The following FAM171B variants were observed in gnomAD, a reference collection of about 807,000 sequenced individuals.
FAM171B encodes protein FAM171B.
Under a neutral mutation model 75.6 loss-of-function variants are expected in FAM171B, and 19 were observed. That is an observed-to-expected ratio of 0.25 (90% CI 0.18 to 0.37). FAM171B has a LOEUF of 0.37. Among genes scored for constraint, FAM171B ranks in the 10% least tolerant of loss-of-function variants. The pLI, the probability that FAM171B is intolerant of heterozygous loss-of-function variation, is 1.00. For missense variants in FAM171B, 848 were observed against 982.4 expected, an observed-to-expected ratio of 0.86 and a Z score of 1.83; for synonymous variants, 367 against 361.7, an observed-to-expected ratio of 1.01 and a Z score of -0.17.
At chr2:186,725,950 T>A (rs559977433) in intron 1 of FAM171B, among the ~76,000 whole-genome samples, 1 of 152,306 alleles carries the variant, frequency 6.6e-6, no homozygotes, top group East Asian at 1.9e-4. Flanking sequence ...AATGGTCCTT[T>A]AGGTAGGCAA....
intron 5 of FAM171B, among the ~76,000 whole-genome samples, chr2:186,752,280 C>A (rs1041818504): frequency 1.3e-5 from 2 of 152,134 alleles, no homozygotes; most frequent in African/African-American, 4.8e-5. Flanking sequence ...CTAAACTGAT[C>A]ATGTTGGCTG....
chr2:186,716,618 G>A lies in FAM171B; in HGVS notation c.238+22207G>A, dbSNP rs577746181. 3.3e-5 allele frequency among the ~76,000 whole-genome samples: 5 copies of A among 152,204 alleles called. No homozygotes were observed. In the South Asian group the frequency reaches 1.0e-3, roughly 32 times the overall value. On this transcript the variant is annotated intron_variant, in intron 1 of 7. Transcript: ENST00000304698. ...TCAGGTAGGCTTTATCTTTGGCTTTGTAGTATGCTGGGTGCAATGATCTGT... is the reference window on the plus strand; with the variant it reads ...TCAGGTAGGCTTTATCTTTGGCTTTATAGTATGCTGGGTGCAATGATCTGT...
At chr2:186,743,381 C>G (rs933798892) in intron 2 of FAM171B, 102 bp from the exon 3 acceptor site, 4 of 708,500 alleles carry the variant, frequency 5.6e-6, no homozygotes, top group African/African-American at 5.4e-5. Context: ...TTGTTCCCCC[C>G]CACAACACAC....
intron 1 of FAM171B, among the ~76,000 whole-genome samples, chr2:186,736,567 G>GTGTGTGTGTGTGTGTGGGAGA (rs55683607): frequency 9.6e-6 from 1 of 104,590 alleles, no homozygotes; most frequent in Non-Finnish European, 2.0e-5. Context: ...TGTGTGTGTG[G>GTGTGTGTGTGTGTGTGGGAGA]GAGAGAGAGA....
intron 1 of FAM171B, among the ~76,000 whole-genome samples, chr2:186,735,314 T>G (rs997992842): frequency 2.0e-5 from 3 of 152,208 alleles, no homozygotes; most frequent in African/African-American, 7.2e-5. Flanking sequence ...CCTCTTGAGC[T>G]GAGTTGCTTC....
intron 1 of FAM171B, among the ~76,000 whole-genome samples, chr2:186,709,870 G>T (rs1268123391): frequency 1.3e-5 from 2 of 152,140 alleles, no homozygotes; most frequent in African/African-American, 2.4e-5. Flanking sequence ...AAATGTAATT[G>T]CACATAGCAG....
intron 7 of FAM171B, 108 bp downstream of exon 7, chr2:186,761,344 T>C (rs1462382741): frequency 3.5e-6 from 5 of 1,438,742 alleles, no homozygotes; most frequent in Admixed American, 2.4e-5. Flanking sequence ...TCTTATAATA[T>C]ATCCTTTTTT....
At chr2:186,749,273 T>C (rs772900597) in intron 4 of FAM171B, among the ~76,000 whole-genome samples, 3 of 152,194 alleles carry the variant, frequency 2.0e-5, no homozygotes, top group Admixed American at 6.5e-5. Context: ...TTTTTTCCCT[T>C]GCACCATTCT....
intron 2 of FAM171B, among the ~76,000 whole-genome samples, chr2:186,741,641 A>G (rs1197640786): frequency 6.6e-6 from 1 of 152,160 alleles, no homozygotes; most frequent in African/African-American, 2.4e-5. Context: ...TTTTACCTTA[A>G]AAAAGTTGTT....
chr2:186,714,121 AT>A (rs11458662), intron 1 of FAM171B, among the ~76,000 whole-genome samples: 16 of 148,994 alleles, frequency 1.1e-4, no homozygotes, highest in African/African-American at 3.4e-4. Flanking sequence ...AGCAGATGAA[AT>A]TTTTTTTTTT....
intron 1 of FAM171B, among the ~76,000 whole-genome samples, chr2:186,721,633 A>G (rs2105779040): frequency 6.6e-6 from 1 of 152,122 alleles, no homozygotes; most frequent in African/African-American, 2.4e-5. Flanking sequence ...AATTCTCTAA[A>G]CTCTCACTTT....
At chr2:186,761,453 A>AT (rs770339762) in intron 7 of FAM171B, 26 bp from the exon 8 acceptor site, 24 of 1,528,760 alleles carry the variant, frequency 1.6e-5, no homozygotes, top group Non-Finnish European at 1.9e-5. Context: ...ACTTTTAAAT[A>AT]TTTTTTGCCT....
At chr2:186,702,107 G>A (rs1689670455) in intron 1 of FAM171B, among the ~76,000 whole-genome samples, 1 of 152,152 alleles carries the variant, frequency 6.6e-6, no homozygotes, top group Non-Finnish European at 1.5e-5. Flanking sequence ...TGAACAACAA[G>A]GACATTTTCT....
intron 3 of FAM171B, 53 bp downstream of exon 3, chr2:186,743,628 T>C: frequency 1.7e-6 from 2 of 1,204,032 alleles, no homozygotes; most frequent in Non-Finnish European, 2.4e-6. Flanking sequence ...GTCGTATAAC[T>C]GTACTTCTTC....
Position 186,765,236 on chromosome 2 carries a change from G to T in FAM171B, c.*2413G>T, listed in dbSNP as rs1690682547. 1 of 151,818 alleles carries T rather than the reference G, an allele frequency of 6.6e-6. No homozygotes were observed. The highest frequency in any genetic ancestry group is 1.5e-5 in the Non-Finnish European group (1 of 67,902). 9.4% of individuals were successfully genotyped at this position (151,818 alleles called of 1,614,324 possible). On this transcript the variant is annotated 3_prime_UTR_variant, in exon 8 of 8. Coordinates refer to ENST00000304698, the MANE Select transcript of FAM171B (RefSeq NM_177454.4). ...CACAACTTTCTTAAATTTTTAAATTGAAAACCAAGGTTTTTTCAAATATAA... is the reference window on the plus strand; with the variant it reads ...CACAACTTTCTTAAATTTTTAAATTTAAAACCAAGGTTTTTTCAAATATAA...
rs144940703 is a variant in FAM171B at position 186,694,227 on chromosome 2, G to T, written c.54G>T (p.Val18=). The T allele has an allele frequency of 5.6e-5, 90 of 1,610,652 alleles. No homozygotes were observed. The highest frequency in any genetic ancestry group is 7.4e-5 in the Non-Finnish European group (87 of 1,179,854). The change falls in exon 1 of 8, where the codon GTG becomes GTT. Residue 18 remains valine, a synonymous_variant. Coordinates refer to ENST00000304698, the MANE Select transcript of FAM171B (RefSeq NM_177454.4). ...VPCTLLLGLA[V]VLLKARLVPA... is the part of the protein sequence containing the mutation. ...GCACCCTGCTTCTCGGCCTGGCCGT[G>T]GTGCTGCTGAAAGCGCGGCTGGTCC... is the stretch of plus-strand genomic sequence containing the variant.
intron 1 of FAM171B, among the ~76,000 whole-genome samples, chr2:186,725,126 C>G (rs991523461): frequency 6.6e-6 from 1 of 152,220 alleles, no homozygotes; most frequent in African/African-American, 2.4e-5. Context: ...AGGCAGATCA[C>G]GAGGTCAGGA....
intron 1 of FAM171B, among the ~76,000 whole-genome samples, chr2:186,721,245 G>A (rs370642859): frequency 4.3e-4 from 66 of 152,230 alleles, no homozygotes; most frequent in African/African-American, 1.4e-3. Flanking sequence ...TTGGGGCTGG[G>A]GTGGGGCCTG....
chr2:186,744,310 C>T (rs1385493695), intron 3 of FAM171B, among the ~76,000 whole-genome samples: 1 of 152,096 alleles, frequency 6.6e-6, no homozygotes, highest in Non-Finnish European at 1.5e-5. Flanking sequence ...AGGTGGAGTC[C>T]AGTAAGAGCG....
Sources: gnomAD v4.1 joint callset for allele counts (sites outside exome capture counted in the v4.1 genomes callset) on GRCh38, gnomAD v4.1.1 for gene constraint, MANE v1.5 for transcripts, NCBI Gene and HGNC (gene_info 2026-07-23, HGNC 2026-07-21) for gene names.